The following NAV2 variants were observed in gnomAD, a reference collection of about 807,000 sequenced individuals.
NAV2 encodes neuron navigator 2, also known as helicase, APC down-regulated 1.
NAV2 carries 54 observed loss-of-function variants against 223.2 expected under a neutral mutation model. The observed-to-expected ratio is 0.24, with a 90% CI of 0.19 to 0.30. The LOEUF is 0.30. Ranked by LOEUF, NAV2 falls within the 10% of genes least tolerant of loss-of-function variation. The pLI is 1.00. For synonymous variants in NAV2, 1,279 were observed against 1,239.3 expected, an observed-to-expected ratio of 1.03 and a Z score of -0.67; for missense variants, 2,806 against 3,147.5, an observed-to-expected ratio of 0.89 and a Z score of 2.60.
At chr11:19,376,514 G>A (rs1012914470) in intron 1 of NAV2, among the ~76,000 whole-genome samples, 4 of 152,186 alleles carry the variant, frequency 2.6e-5, no homozygotes, top group African/African-American at 4.8e-5. Flanking sequence ...GCCTGGACTC[G>A]AACCCAACTT....
chr11:20,084,515 T>C (rs999488363), intron 26 of NAV2, among the ~76,000 whole-genome samples: 1 of 152,130 alleles, frequency 6.6e-6, no homozygotes, highest in African/African-American at 2.4e-5. Context: ...TAGTAAGAGG[T>C]AGCCACAGGG....
chr11:20,003,254 G>A (rs1372905933), intron 11 of NAV2, among the ~76,000 whole-genome samples: 4 of 152,132 alleles, frequency 2.6e-5, no homozygotes, highest in Non-Finnish European at 4.4e-5. Flanking sequence ...ATCATAACCT[G>A]GTGAGAACTG....
At chr11:19,441,450 A>G (rs2729867) in intron 1 of NAV2, among the ~76,000 whole-genome samples, 2,717 of 142,384 alleles carry the variant, frequency 0.019, 69 homozygotes, top group African/African-American at 0.069. Context: ...ACACACACGC[A>G]CACACACACA....
chr11:20,048,099 C>T (rs73436161), intron 14 of NAV2, among the ~76,000 whole-genome samples: 3,833 of 152,234 alleles, frequency 0.025, 155 homozygotes, highest in African/African-American at 0.087. Flanking sequence ...GGTCTAATGT[C>T]TTGTGAACCA....
chr11:19,619,070 C>T (rs1036472511), intron 1 of NAV2, among the ~76,000 whole-genome samples: 10 of 147,522 alleles, frequency 6.8e-5, no homozygotes, highest in Non-Finnish European at 1.0e-4. Flanking sequence ...CATCCATGTC[C>T]CTACAAAGGA....
At chr11:19,442,298 C>A (rs1372398495) in intron 1 of NAV2, among the ~76,000 whole-genome samples, 1 of 152,246 alleles carries the variant, frequency 6.6e-6, no homozygotes, top group East Asian at 1.9e-4. Context: ...ATTCCTATTT[C>A]CCCTGCTCAT....
At chr11:19,635,959 A>G (rs946303119) in intron 1 of NAV2, among the ~76,000 whole-genome samples, 1 of 152,226 alleles carries the variant, frequency 6.6e-6, no homozygotes. Context: ...TGAGTCATCA[A>G]TTGGAATTTG....
intron 1 of NAV2, among the ~76,000 whole-genome samples, chr11:19,828,098 G>A (rs181628936): frequency 1.8e-4 from 27 of 152,264 alleles, no homozygotes; most frequent in Admixed American, 1.6e-3. Context: ...AAGCTGCAGT[G>A]AGCTTTGATT....
intron 1 of NAV2, among the ~76,000 whole-genome samples, chr11:19,741,048 A>G (rs540319565): frequency 7.9e-5 from 12 of 152,344 alleles, no homozygotes; most frequent in African/African-American, 2.9e-4. Context: ...AGATCCTGCA[A>G]TGGCACCATT....
chr11:19,879,321 C>T (rs1451081613), intron 4 of NAV2, among the ~76,000 whole-genome samples: 1 of 152,160 alleles, frequency 6.6e-6, no homozygotes, highest in African/African-American at 2.4e-5. Flanking sequence ...GGAAGCAAGT[C>T]CTTCTAGCCT....
At chr11:19,539,070 C>A (rs2044268499) in intron 1 of NAV2, among the ~76,000 whole-genome samples, 2 of 152,170 alleles carry the variant, frequency 1.3e-5, no homozygotes, top group African/African-American at 4.8e-5. Context: ...CATTTCTCAT[C>A]CCTCTCCCCT....
intron 1 of NAV2, among the ~76,000 whole-genome samples, chr11:19,471,209 T>C (rs1564963587): frequency 6.6e-6 from 1 of 152,160 alleles, no homozygotes; most frequent in African/African-American, 2.4e-5. Flanking sequence ...TGGGGATCCA[T>C]GTCAACCATA....
chr11:19,984,108 T>A lies in NAV2; in HGVS notation c.2646-17T>A, dbSNP rs370617241. 3.3e-5 allele frequency: 54 copies of A among 1,613,792 alleles called. No individual in the cohort carries two copies. The highest frequency in any genetic ancestry group is 3.9e-5 in the Non-Finnish European group (46 of 1,179,858). ...GCTTTGGACATTCATGTGCATCATC[T>A]TCTTCTCCTTTTAAAGATACATGAC... On this transcript the variant is annotated splice_polypyrimidine_tract_variant and intron_variant, in intron 10 of 37. Transcript: ENST00000349880.
At chr11:19,840,827 T>C (rs2152937788) in intron 2 of NAV2, among the ~76,000 whole-genome samples, 1 of 152,350 alleles carries the variant, frequency 6.6e-6, no homozygotes, top group South Asian at 2.1e-4. Context: ...TATTTCTTAG[T>C]TCCACTCAAC....
chr11:19,470,233 A>AG (rs1377278707), intron 1 of NAV2, among the ~76,000 whole-genome samples: 2 of 152,182 alleles, frequency 1.3e-5, no homozygotes, highest in Non-Finnish European at 2.9e-5. Context: ...CTGTACTATA[A>AG]GCTCCTTGGA....
intron 1 of NAV2, among the ~76,000 whole-genome samples, chr11:19,673,927 G>A (rs1450807555): frequency 6.6e-6 from 1 of 152,198 alleles, no homozygotes; most frequent in East Asian, 1.9e-4. Context: ...TCTCCATGCT[G>A]TGTTTTTATG....
At chr11:19,349,825 G>A (rs1853202885), upstream of NAV2, among the ~76,000 whole-genome samples, 3 of 152,052 alleles carry the variant, frequency 2.0e-5, no homozygotes, top group South Asian at 6.2e-4. Flanking sequence ...CTGTCCCTCC[G>A]AGCTTCTGTG....
At chr11:19,681,722 C>T (rs2048885071) in intron 1 of NAV2, among the ~76,000 whole-genome samples, 2 of 152,288 alleles carry the variant, frequency 1.3e-5, no homozygotes, top group South Asian at 4.2e-4. Flanking sequence ...CTATACAGAA[C>T]ATGTATTCAG....
intron 29 of NAV2, among the ~76,000 whole-genome samples, chr11:20,095,065 G>A (rs923437100): frequency 3.3e-5 from 5 of 152,032 alleles, no homozygotes; most frequent in African/African-American, 9.7e-5. Context: ...CATGTTTTAA[G>A]TTTTAACAAG....
Sources: gnomAD v4.1 joint callset for allele counts (sites outside exome capture counted in the v4.1 genomes callset) on GRCh38, gnomAD v4.1.1 for gene constraint, MANE v1.5 for transcripts, NCBI Gene and HGNC (gene_info 2026-07-23, HGNC 2026-07-21) for gene names.